Variants in USP39 observed in about 807,000 individuals in gnomAD.
USP39 encodes the protein ubiquitin carboxyl-terminal hydrolase 39.
A neutral mutation model predicts 66.4 loss-of-function variants in USP39; 38 were observed. That is an observed-to-expected ratio of 0.57 (90% confidence interval 0.44 to 0.75). The LOEUF (loss-of-function observed/expected upper bound fraction) is 0.75. Among genes scored for constraint, USP39 ranks in the 30% least tolerant of loss-of-function variants. The pLI, the probability that USP39 is intolerant of heterozygous loss-of-function variation, is 0.00. For missense variants in USP39, 608 were observed against 714.4 expected (o/e 0.85, Z 1.70); for synonymous variants, 303 against 274.6 (o/e 1.10, Z -1.02).
At position 85,636,234 on chromosome 2, in the gene USP39, G is replaced by A. The variant is rs536470551; in HGVS notation, c.1027+104G>A. The A allele has an allele frequency of 4.4e-5, 46 of 1,052,876 alleles. No homozygotes were observed. In the East Asian group the frequency reaches 9.1e-4, roughly 21 times the overall value. The allele number at this position is 1,052,876 out of a possible 1,614,324, so 65.2% of individuals were successfully genotyped here. A position where few individuals can be genotyped will look rare whatever the true frequency, so the allele number is the denominator to read the frequency against. On this transcript the variant is annotated intron_variant, in intron 7 of 12. Coordinates refer to ENST00000323701, the MANE Select transcript of USP39 (RefSeq NM_006590.4). ...TATAATCCCAGCTCTTTGAGAGGCC[G>A]AGGTGGGTGGATTACCTGAGGTCAG...
intron 11 of USP39, among the ~76,000 whole-genome samples, 189 bp from the exon 12 acceptor site, chr2:85,647,741 T>C (rs956726711): frequency 2.0e-5 from 3 of 152,168 alleles, no homozygotes; most frequent in Non-Finnish European, 2.9e-5. Flanking sequence ...TTGCCATGAT[T>C]GACACACCAA....
intron 6 of USP39, among the ~76,000 whole-genome samples, chr2:85,633,062 G>A (rs1469443820): frequency 1.4e-5 from 2 of 138,178 alleles, no homozygotes; most frequent in Non-Finnish European, 1.6e-5. Flanking sequence ...CAGATGGCCT[G>A]CTTTATAAGC....
rs994276357 is a variant in USP39, at chr2:85,631,550, C to T, written c.949+604C>T. Among the ~76,000 whole-genome samples the T allele has an allele frequency of 3.9e-5, 6 of 152,038 alleles. No homozygotes were observed. The East Asian group carries it at 9.6e-4, about 24-fold the overall frequency. Reference sequence around the variant, plus strand: ...GTTAGGTTCTTCATTCTTCTCTGACCAATCTGCCCTGCTAAGAGTCCCAGG... The same window carrying T: ...GTTAGGTTCTTCATTCTTCTCTGACTAATCTGCCCTGCTAAGAGTCCCAGG... On this transcript the variant is annotated intron_variant, in intron 6 of 12. Transcript: ENST00000323701.
At chr2:85,640,923 C>T (rs1676188614) in intron 9 of USP39, 53 bp from the exon 10 acceptor site, 1 of 1,537,506 alleles carries the variant, frequency 6.5e-7, no homozygotes, top group East Asian at 2.3e-5. Flanking sequence ...TGCCCCTGCT[C>T]TAATACTACT....
At chr2:85,640,902 T>C (rs1676186519) in intron 9 of USP39, 74 bp from the exon 10 acceptor site, 1 of 1,409,006 alleles carries the variant, frequency 7.1e-7, no homozygotes, top group South Asian at 1.4e-5. Flanking sequence ...AAAATCGAAA[T>C]GAAAAACTCA....
At chr2:85,605,746 A>C (rs549806176) in intron 1 of USP39, among the ~76,000 whole-genome samples, 1 of 152,296 alleles carries the variant, frequency 6.6e-6, no homozygotes, top group East Asian at 1.9e-4. Context: ...TCAAATGCAC[A>C]GCAGATTGGA....
intron 2 of USP39, 141 bp downstream of exon 2, chr2:85,619,430 A>T: frequency 2.5e-6 from 2 of 784,746 alleles, no homozygotes; most frequent in Non-Finnish European, 4.0e-6. Context: ...TTGCCATGTT[A>T]CTCCTTATTC....
chr2:85,632,173 G>A (rs1368544498), intron 6 of USP39, among the ~76,000 whole-genome samples: 1 of 152,124 alleles, frequency 6.6e-6, no homozygotes, highest in East Asian at 1.9e-4. Context: ...AGTTTATTCA[G>A]CATTCACTCA....
At chr2:85,623,888 A>T in intron 4 of USP39, 106 bp downstream of exon 4, 1 of 1,232,346 alleles carries the variant, frequency 8.1e-7, no homozygotes, top group Non-Finnish European at 1.1e-6. Context: ...CAGTCCCTTT[A>T]GGCATCGAGA....
At chr2:85,613,569 C>T (rs753049518), upstream of USP39, among the ~76,000 whole-genome samples, 2 of 152,070 alleles carry the variant, frequency 1.3e-5, no homozygotes, top group Non-Finnish European at 2.9e-5. Context: ...CTGAGCAATC[C>T]AAAGGAAGAT....
upstream of USP39, chr2:85,608,748 C>G (rs1673315113): frequency 2.2e-5 from 5 of 226,370 alleles, no homozygotes; most frequent in East Asian, 8.4e-5. Flanking sequence ...GAATATCAGG[C>G]TGGGCAAATG....
chr2:85,634,079 C>T (rs933065061), intron 6 of USP39, among the ~76,000 whole-genome samples: 2 of 150,758 alleles, frequency 1.3e-5, no homozygotes, highest in African/African-American at 2.4e-5. Context: ...CCTCGTGATC[C>T]GTCCGCCTCG....
Position 85,643,678 on chromosome 2 carries a change from C to T in USP39, c.1428-1270C>T, listed in dbSNP as rs1218038557. Among the ~76,000 whole-genome samples, 7 of 148,956 alleles carry T rather than the reference C, an allele frequency of 4.7e-5. No individual in the cohort carries two copies. The South Asian group carries it at 8.6e-4, about 18-fold the overall frequency. ...TTTTTTTTTTTTGGAGATGGAGTCT[C>T]GCTCTGTTGCCCAGGCTGGAGTGCG... On this transcript the variant is annotated intron_variant, in intron 10 of 12. Coordinates refer to ENST00000323701, the MANE Select transcript of USP39 (RefSeq NM_006590.4).
At chr2:85,620,362 C>A (rs999685764) in intron 2 of USP39, among the ~76,000 whole-genome samples, 1 of 151,448 alleles carries the variant, frequency 6.6e-6, no homozygotes, top group Non-Finnish European at 1.5e-5. Flanking sequence ...TCCTGTAGTC[C>A]CAGCTTCTTG....
chr2:85,616,474 CCGGG>C lies in USP39; in HGVS notation c.268+13_268+16del. The C allele has an allele frequency of 6.7e-7, 1 of 1,497,796 alleles. No homozygotes were observed. Among genetic ancestry groups the C allele is most frequent in the Non-Finnish European group, 9.0e-7 (1 of 1,117,052 alleles). 92.8% of individuals were successfully genotyped at this position (1,497,796 alleles called of 1,614,324 possible). ...AGCGGGAGGTGCGAGGTGCGCGGGG[CCGGG>C]CCGGGCTAGGCGCGAGAGCCTGTTT... On this transcript the variant is annotated intron_variant, in intron 1 of 12. Coordinates refer to ENST00000323701, the MANE Select transcript of USP39 (RefSeq NM_006590.4).
chr2:85,628,083 C>G (rs1214236535), intron 5 of USP39, among the ~76,000 whole-genome samples: 1 of 152,058 alleles, frequency 6.6e-6, no homozygotes, highest in Non-Finnish European at 1.5e-5. Context: ...CTGGAAAGGT[C>G]AAATTCTTAA....
At chr2:85,612,880 C>T (rs990043057), upstream of USP39, among the ~76,000 whole-genome samples, 16 of 151,738 alleles carry the variant, frequency 1.1e-4, no homozygotes, top group Admixed American at 1.0e-3. Context: ...AGGCTGGTCT[C>T]GAACTCCTGA....
chr2:85,641,995 A>AATTAAGAG (rs1676269055), intron 10 of USP39, among the ~76,000 whole-genome samples: 1 of 145,384 alleles, frequency 6.9e-6, no homozygotes, highest in Non-Finnish European at 1.6e-5. Context: ...TAGTATCTAA[A>AATTAAGAG]ATTAAGAGGC....
chr2:85,611,171 G>A, upstream of USP39: 1 of 921,340 alleles, frequency 1.1e-6, no homozygotes, highest in Non-Finnish European at 1.4e-6. Flanking sequence ...TCGCACCATT[G>A]CACTCCAGCC....
Sources: gnomAD v4.1 joint callset for allele counts (sites outside exome capture counted in the v4.1 genomes callset) on GRCh38, gnomAD v4.1.1 for gene constraint, MANE v1.5 for transcripts, NCBI Gene and HGNC (gene_info 2026-07-23, HGNC 2026-07-21) for gene names.